NKAIN3: variants seen among roughly 807,000 people sequenced by gnomAD.
NKAIN3 encodes the protein sodium/potassium transporting ATPase interacting 3.
A neutral mutation model predicts 30.2 loss-of-function variants in NKAIN3; 25 were observed. The ratio of observed to expected loss-of-function variants is 0.83; its 90% CI spans 0.60 to 1.16. NKAIN3 has a LOEUF of 1.16. Among genes scored for constraint, NKAIN3 ranks in the 50% most tolerant of loss-of-function variants. The pLI is 0.00. For missense variants in NKAIN3, 225 were observed against 254.1 expected (o/e 0.89, Z 0.78); for synonymous variants, 91 against 89.6 (o/e 1.02, Z -0.09).
intron 3 of NKAIN3, among the ~76,000 whole-genome samples, chr8:62,681,255 C>T (rs1813635244): frequency 6.6e-6 from 1 of 152,094 alleles, no homozygotes; most frequent in Admixed American, 6.6e-5. Flanking sequence ...TAAATGATGC[C>T]TTAGACTAGA....
At chr8:62,850,487 T>C (rs1199310720) in intron 4 of NKAIN3, among the ~76,000 whole-genome samples, 3 of 152,138 alleles carry the variant, frequency 2.0e-5, no homozygotes, top group Non-Finnish European at 4.4e-5. Flanking sequence ...ATTTTGGCTT[T>C]TGTTGCCATT....
intron 4 of NKAIN3, among the ~76,000 whole-genome samples, chr8:62,775,806 C>T (rs982233923): frequency 1.3e-5 from 2 of 151,992 alleles, no homozygotes; most frequent in African/African-American, 4.8e-5. Context: ...CTATTAGGCC[C>T]ATTTGATCTA....
chr8:62,752,157 T>A (rs931612618), intron 4 of NKAIN3, among the ~76,000 whole-genome samples: 1 of 152,120 alleles, frequency 6.6e-6, no homozygotes, highest in African/African-American at 2.4e-5. Flanking sequence ...ATGGACAAGA[T>A]GTAGGAGCCA....
At chr8:62,271,165 C>T (rs1812768463) in intron 1 of NKAIN3, among the ~76,000 whole-genome samples, 1 of 152,142 alleles carries the variant, frequency 6.6e-6, no homozygotes, top group South Asian at 2.1e-4. Context: ...AGTGGCTCTG[C>T]ATTCTGCCAA....
chr8:62,808,003 A>T (rs565001466), intron 4 of NKAIN3, among the ~76,000 whole-genome samples: 2 of 152,122 alleles, frequency 1.3e-5, no homozygotes, highest in African/African-American at 2.4e-5. Context: ...ACTTGATTTT[A>T]AAAAGTTAAA....
chr8:62,583,331 G>A (rs1345384655), intron 2 of NKAIN3, among the ~76,000 whole-genome samples: 1 of 152,070 alleles, frequency 6.6e-6, no homozygotes, highest in East Asian at 1.9e-4. Flanking sequence ...AATCTTCAAA[G>A]AAAAGCATCA....
rs773186578 is a variant in NKAIN3, at chr8:62,971,644, G to C, written c.*6237G>C. Reference sequence around the variant, plus strand: ...CCAAACCTTGTCTCAAAAAAAAAGCGGGGGGGGCTTCATTTATTAGTAAGA... The same window carrying C: ...CCAAACCTTGTCTCAAAAAAAAAGCCGGGGGGGCTTCATTTATTAGTAAGA... On this transcript the variant is annotated 3_prime_UTR_variant, in exon 7 of 7. Transcript: ENST00000623646. Among the ~76,000 whole-genome samples the C allele has an allele frequency of 3.5e-5, 4 of 115,426 alleles. No homozygotes were observed. The highest frequency in any genetic ancestry group is 2.6e-4 in the South Asian group (1 of 3,884). The allele number at this position is 115,426 out of a possible 152,430, so 75.7% of individuals were successfully genotyped here. A position where few individuals can be genotyped will look rare whatever the true frequency, so the allele number is the denominator to read the frequency against.
At chr8:62,359,237 A>G (rs1459742664) in intron 1 of NKAIN3, among the ~76,000 whole-genome samples, 1 of 152,222 alleles carries the variant, frequency 6.6e-6, no homozygotes, top group Non-Finnish European at 1.5e-5. Flanking sequence ...ATATTTTAAA[A>G]TTATTTTTCA....
intron 4 of NKAIN3, among the ~76,000 whole-genome samples, chr8:62,897,486 C>A (rs1821464634): frequency 6.6e-6 from 1 of 152,008 alleles, no homozygotes; most frequent in Non-Finnish European, 1.5e-5. Flanking sequence ...TCTAAAGAGT[C>A]CCAATGGGGA....
At chr8:62,695,243 A>C (rs1563519927) in intron 3 of NKAIN3, among the ~76,000 whole-genome samples, 1 of 152,336 alleles carries the variant, frequency 6.6e-6, no homozygotes, top group South Asian at 2.1e-4. Context: ...GAAAGGGCCA[A>C]GTCTTATTTA....
At chr8:62,831,249 GA>G (rs1281646201) in intron 4 of NKAIN3, among the ~76,000 whole-genome samples, 1 of 151,880 alleles carries the variant, frequency 6.6e-6, no homozygotes, top group African/African-American at 2.4e-5. Context: ...AGGGAAAAAT[GA>G]AAAAAATTAC....
chr8:62,504,403 A>T (rs546147384), intron 1 of NKAIN3, among the ~76,000 whole-genome samples: 3 of 152,162 alleles, frequency 2.0e-5, no homozygotes, highest in Non-Finnish European at 4.4e-5. Context: ...ATTCTCTCCA[A>T]TGACTCTTCC....
rs576002759 is a variant in NKAIN3, at chr8:62,838,154, T to C, written c.472-80299T>C. ...CTGTGTGTGTGTGTGTGTGTGTGTATATAAAATGAGCATATCATGAAATAT... is the reference window on the plus strand; with the variant it reads ...CTGTGTGTGTGTGTGTGTGTGTGTACATAAAATGAGCATATCATGAAATAT... On this transcript the variant is annotated intron_variant, in intron 4 of 6. Coordinates refer to ENST00000623646, the MANE Select transcript of NKAIN3 (RefSeq NM_001304533.3). Among the ~76,000 whole-genome samples, 11 of 151,640 alleles carry C rather than the reference T, an allele frequency of 7.3e-5. No individual in the cohort carries two copies. In the South Asian group the frequency reaches 2.3e-3, roughly 32 times the overall value.
chr8:62,549,346 G>T (rs76321028), intron 1 of NKAIN3, among the ~76,000 whole-genome samples: 11 of 151,996 alleles, frequency 7.2e-5, no homozygotes, highest in Admixed American at 6.6e-5. Context: ...GGGATCGGAG[G>T]GGGGCCTGTT....
At chr8:62,443,796 C>T (rs1805403682) in intron 1 of NKAIN3, among the ~76,000 whole-genome samples, 1 of 151,714 alleles carries the variant, frequency 6.6e-6, no homozygotes, top group African/African-American at 2.4e-5. Context: ...ATCTTTTTGC[C>T]ACTAATATGT....
chr8:62,362,674 A>G (rs1243928807), intron 1 of NKAIN3, among the ~76,000 whole-genome samples: 1 of 152,228 alleles, frequency 6.6e-6, no homozygotes, highest in Admixed American at 6.5e-5. Flanking sequence ...TTGCTAAAAG[A>G]AAAACTTCAG....
chr8:62,774,843 G>A (rs1270005312), intron 4 of NKAIN3, among the ~76,000 whole-genome samples: 5 of 152,100 alleles, frequency 3.3e-5, no homozygotes, highest in African/African-American at 9.7e-5. Context: ...ATTCTCATCA[G>A]GGATATTGGT....
In NKAIN3 at chr8:62,883,458, T is replaced by TTGTTTTTTTTTG. The variant is rs779911371; in HGVS notation, c.472-34994_472-34993insGTTTTTTTTTGT. Reference sequence around the variant, plus strand: ...TTATTATTTCCAGGAGTTTTATGGGTTTTTTTTTTTTTTTTCAGATTTTCT... The same window carrying TTGTTTTTTTTTG: ...TTATTATTTCCAGGAGTTTTATGGGTTGTTTTTTTTTGTTTTTTTTTTTTTTTCAGATTTTCT... On this transcript the variant is annotated intron_variant, in intron 4 of 6. Coordinates refer to ENST00000623646, the MANE Select transcript of NKAIN3 (RefSeq NM_001304533.3). Among the ~76,000 whole-genome samples the TTGTTTTTTTTTG allele has an allele frequency of 9.5e-5, 3 of 31,540 alleles. No homozygotes were observed. In the East Asian group the frequency reaches 4.0e-3, roughly 42 times the overall value. 20.7% of individuals were successfully genotyped at this position (31,540 alleles called of 152,430 possible).
At chr8:62,447,163 T>C (rs1320899007) in intron 1 of NKAIN3, among the ~76,000 whole-genome samples, 1 of 151,958 alleles carries the variant, frequency 6.6e-6, no homozygotes, top group East Asian at 1.9e-4. Flanking sequence ...CTAGACAAAA[T>C]CGGCACAAAA....
Sources: gnomAD v4.1 joint callset for allele counts (sites outside exome capture counted in the v4.1 genomes callset) on GRCh38, gnomAD v4.1.1 for gene constraint, MANE v1.5 for transcripts, NCBI Gene and HGNC (gene_info 2026-07-23, HGNC 2026-07-21) for gene names.